Variants in IL1R1 observed in about 807,000 individuals in gnomAD.
IL1R1 encodes interleukin-1 receptor type 1.
IL1R1 carries 22 observed loss-of-function variants against 50.2 expected under a neutral mutation model. The observed-to-expected ratio is 0.44, with a 90% confidence interval of 0.31 to 0.63. IL1R1 has a LOEUF of 0.63. Ranked by LOEUF, IL1R1 falls within the 20% of genes least tolerant of loss-of-function variation. IL1R1 has a pLI of 0.07. For missense variants in IL1R1, 509 were observed against 676.2 expected (o/e 0.75, Z 2.74); for synonymous variants, 251 against 236.7 (o/e 1.06, Z -0.55).
intron 3 of IL1R1, among the ~76,000 whole-genome samples, chr2:102,161,293 T>A (rs1684706021): frequency 6.6e-6 from 1 of 152,246 alleles, no homozygotes; most frequent in Non-Finnish European, 1.5e-5. Flanking sequence ...CACCAGAGAA[T>A]AAGTTTTGTC....
At chr2:102,149,377 C>T (rs564447187) in intron 1 of IL1R1, among the ~76,000 whole-genome samples, 25 of 152,278 alleles carry the variant, frequency 1.6e-4, no homozygotes, top group African/African-American at 6.0e-4. Flanking sequence ...TGGGGCTTGG[C>T]TATGTCAGGT....
chr2:102,112,139 T>TG (rs1037474106), intron 1 of IL1R1, among the ~76,000 whole-genome samples: 5 of 151,708 alleles, frequency 3.3e-5, no homozygotes, highest in African/African-American at 1.2e-4. Context: ...GGAGAAGGGG[T>TG]GGGCTCTCTA....
intron 3 of IL1R1, 61 bp downstream of exon 3, chr2:102,157,846 G>T: frequency 9.3e-7 from 1 of 1,080,514 alleles, no homozygotes; most frequent in South Asian, 1.3e-5. Flanking sequence ...TAGAATACAT[G>T]AAGTACCTTC....
intron 1 of IL1R1, among the ~76,000 whole-genome samples, chr2:102,122,672 T>C (rs892899315): frequency 2.6e-5 from 4 of 152,174 alleles, no homozygotes; most frequent in African/African-American, 9.7e-5. Flanking sequence ...CTGGAAGAAC[T>C]GGGACCAGCC....
intron 1 of IL1R1, among the ~76,000 whole-genome samples, chr2:102,094,788 T>A (rs919112933): frequency 1.3e-5 from 2 of 152,134 alleles, no homozygotes; most frequent in Non-Finnish European, 2.9e-5. Flanking sequence ...ATTTTTCTTA[T>A]CAGGTTTTCT....
At chr2:102,133,243 CA>C (rs70946673) in intron 1 of IL1R1, among the ~76,000 whole-genome samples, 42,905 of 116,556 alleles carry the variant, frequency 0.37, 7,706 homozygotes, top group Non-Finnish European at 0.45. Flanking sequence ...GACTCTGTCT[CA>C]AAAAAAAAAA....
exon 1 of IL1R1, chr2:102,104,581 C>G (rs1019979293): frequency 6.6e-6 from 1 of 152,116 alleles, no homozygotes; most frequent in African/African-American, 2.4e-5. Flanking sequence ...GGGATTAAAG[C>G]CCTAAGAGGC....
At chr2:102,169,357 T>C (rs896059915) in intron 7 of IL1R1, among the ~76,000 whole-genome samples, 23 of 152,250 alleles carry the variant, frequency 1.5e-4, no homozygotes, top group African/African-American at 5.1e-4. Context: ...GTTATGGACA[T>C]GTACAATTAA....
intron 1 of IL1R1, among the ~76,000 whole-genome samples, chr2:102,128,569 T>C (rs192531374): frequency 1.1e-3 from 169 of 152,328 alleles, no homozygotes; most frequent in African/African-American, 3.8e-3. Context: ...AATTGAGGCA[T>C]AAGAGAAGTT....
At chr2:102,102,469 C>T (rs989162093), upstream of IL1R1, among the ~76,000 whole-genome samples, 3 of 152,136 alleles carry the variant, frequency 2.0e-5, no homozygotes, top group Non-Finnish European at 4.4e-5. Flanking sequence ...TATCATCTCA[C>T]ACCAGTCAAA....
intron 1 of IL1R1, among the ~76,000 whole-genome samples, chr2:102,084,076 T>C (rs563769670): frequency 6.6e-6 from 1 of 152,164 alleles, no homozygotes; most frequent in Non-Finnish European, 1.5e-5. Context: ...CTGAATCTCT[T>C]GCGACTCTGA....
chr2:102,171,823 T>C lies in IL1R1; in HGVS notation c.744T>C (p.Cys248=), dbSNP rs200980462. The change falls in exon 8 of 12, where the codon TGT becomes TGC. Residue 248 remains cysteine, a synonymous_variant. Coordinates refer to ENST00000410023, the MANE Select transcript of IL1R1 (RefSeq NM_000877.4). ...CAGGATCCCAGATACAATTGATCTG[T>C]AATGTCACCGGCCAGTTGAGTGACA... ...VDLGSQIQLI[C]NVTGQLSDIA... The C allele has an allele frequency of 6.2e-7, 1 of 1,602,362 alleles. No homozygotes were observed. Among genetic ancestry groups the C allele is most frequent in the African/African-American group, 1.3e-5 (1 of 74,786 alleles).
At position 102,168,637 on chromosome 2, in the gene IL1R1, C is replaced by G. The variant is rs1375417671; in HGVS notation, c.695C>G (p.Ala232Gly). 1.2e-6 allele frequency: 2 copies of G among 1,613,240 alleles called. No homozygotes were observed. Among genetic ancestry groups the G allele is most frequent in the African/African-American group, 1.3e-5 (1 of 74,762 alleles). The change falls in exon 7 of 12, where the codon GCT becomes GGT. Residue 232 changes from alanine to glycine, a missense_variant. Transcript: ENST00000410023. ...KPTRPVIVSP[A>G]NETMEVDLGS... ...ACAAGGCCTGTGATTGTGAGCCCAG[C>G]TAATGAGACAATGGAAGTAGACTTG...
chr2:102,075,459 G>A (rs1208885332), intron 1 of IL1R1, among the ~76,000 whole-genome samples: 1 of 151,950 alleles, frequency 6.6e-6, no homozygotes, highest in Admixed American at 6.6e-5. Context: ...ACAGTTAAAA[G>A]AGAAATAAAA....
At chr2:102,103,045 C>T (rs561658620), upstream of IL1R1, among the ~76,000 whole-genome samples, 1 of 152,118 alleles carries the variant, frequency 6.6e-6, no homozygotes. Flanking sequence ...CTATAGGGTA[C>T]CATACTTATT....
At chr2:102,175,736 G>A in intron 11 of IL1R1, 91 bp downstream of exon 11, 1 of 1,207,212 alleles carries the variant, frequency 8.3e-7, no homozygotes, top group South Asian at 1.2e-5. Flanking sequence ...TCGTGGCATA[G>A]GGGTATATGT....
chr2:102,103,896 C>A (rs759364474), upstream of IL1R1, among the ~76,000 whole-genome samples: 1 of 148,512 alleles, frequency 6.7e-6, no homozygotes, highest in Non-Finnish European at 1.5e-5. Context: ...CGGGCTGAGG[C>A]ACGAGAATCA....
chr2:102,155,948 A>G (rs914524971), intron 2 of IL1R1, among the ~76,000 whole-genome samples: 7 of 152,336 alleles, frequency 4.6e-5, no homozygotes, highest in Admixed American at 1.3e-4. Context: ...TCAGTCACAC[A>G]TCTTCTTTTT....
At chr2:102,101,179 G>A (rs750161652), upstream of IL1R1, among the ~76,000 whole-genome samples, 2 of 152,092 alleles carry the variant, frequency 1.3e-5, no homozygotes, top group East Asian at 1.9e-4. Flanking sequence ...CATTTCCATC[G>A]TGCTCCTTGG....
Sources: gnomAD v4.1 joint callset for allele counts (sites outside exome capture counted in the v4.1 genomes callset) on GRCh38, gnomAD v4.1.1 for gene constraint, MANE v1.5 for transcripts, NCBI Gene and HGNC (gene_info 2026-07-23, HGNC 2026-07-21) for gene names.